Variants in TRPC7 observed in about 807,000 individuals in gnomAD.
TRPC7 encodes the protein short transient receptor potential channel 7.
A neutral mutation model predicts 90.1 loss-of-function variants in TRPC7; 42 were observed. The observed-to-expected ratio is 0.47, with a 90% CI of 0.36 to 0.60. The LOEUF (loss-of-function observed/expected upper bound fraction) is 0.60. TRPC7 is among the 20% of genes least tolerant of loss of function. The pLI, the probability that TRPC7 is intolerant of heterozygous loss-of-function variation, is 0.00. For synonymous variants in TRPC7, 451 were observed against 436.3 expected, an observed-to-expected ratio of 1.03 and a Z score of -0.42; for missense variants, 955 against 1,112.3, an observed-to-expected ratio of 0.86 and a Z score of 2.01.
intron 8 of TRPC7, among the ~76,000 whole-genome samples, chr5:136,228,534 T>C (rs562432049): frequency 6.7e-6 from 1 of 148,792 alleles, no homozygotes; most frequent in South Asian, 2.1e-4. Flanking sequence ...CAGGGTGCCG[T>C]GCAGTGGCGG....
chr5:136,356,406 T>C (rs904355528), intron 2 of TRPC7, among the ~76,000 whole-genome samples: 1 of 152,234 alleles, frequency 6.6e-6, no homozygotes. Flanking sequence ...TCATGTAGTT[T>C]AAAGCATTTC....
At chr5:136,231,317 T>C (rs767458952) in intron 8 of TRPC7, 37 bp downstream of exon 8, 13 of 1,534,470 alleles carry the variant, frequency 8.5e-6, no homozygotes, top group Middle Eastern at 3.4e-4. Flanking sequence ...GTAAATTAGA[T>C]GAAGGAGAGC....
intron 3 of TRPC7, among the ~76,000 whole-genome samples, chr5:136,291,681 A>G (rs1757960088): frequency 6.6e-6 from 1 of 152,224 alleles, no homozygotes; most frequent in Admixed American, 6.5e-5. Flanking sequence ...AGACTCCCAC[A>G]CAATAACAAT....
intron 3 of TRPC7, among the ~76,000 whole-genome samples, chr5:136,280,834 C>G (rs1050331829): frequency 2.8e-4 from 43 of 152,126 alleles, no homozygotes; most frequent in African/African-American, 9.7e-4. Context: ...GCTTACCTGT[C>G]ATTTTATTAT....
chr5:136,220,861 G>A (rs34410394), intron 10 of TRPC7, among the ~76,000 whole-genome samples: 13,235 of 151,958 alleles, frequency 0.087, 726 homozygotes, highest in East Asian at 0.27. Flanking sequence ...TGTCACCCCC[G>A]GAGGCCCAGC....
chr5:136,239,326 T>C (rs1253956368), intron 7 of TRPC7, among the ~76,000 whole-genome samples: 1 of 152,220 alleles, frequency 6.6e-6, no homozygotes, highest in Non-Finnish European at 1.5e-5. Context: ...GTGGAGATTG[T>C]AACTTTCACA....
intron 7 of TRPC7, among the ~76,000 whole-genome samples, chr5:136,241,768 C>A (rs1756175973): frequency 6.6e-6 from 1 of 152,112 alleles, no homozygotes; most frequent in African/African-American, 2.4e-5. Context: ...GTTGGCCAGG[C>A]TGGTCTTAAA....
chr5:136,224,644 C>G (rs1755569563), intron 10 of TRPC7, among the ~76,000 whole-genome samples: 1 of 152,176 alleles, frequency 6.6e-6, no homozygotes. Context: ...CCTGCTTTTA[C>G]TCTTGTCCCC....
chr5:136,318,457 T>C (rs1057149205), intron 2 of TRPC7, among the ~76,000 whole-genome samples: 3 of 152,066 alleles, frequency 2.0e-5, no homozygotes, highest in African/African-American at 7.2e-5. Flanking sequence ...AACAGGCAGA[T>C]CTACGCTCTT....
chr5:136,329,482 T>C (rs1759436065), intron 2 of TRPC7, among the ~76,000 whole-genome samples: 1 of 152,024 alleles, frequency 6.6e-6, no homozygotes, highest in Non-Finnish European at 1.5e-5. Flanking sequence ...TCACGGGGTT[T>C]CCAAAAGGAG....
intron 3 of TRPC7, among the ~76,000 whole-genome samples, chr5:136,305,770 C>A (rs1053830779): frequency 2.0e-5 from 3 of 152,076 alleles, no homozygotes; most frequent in South Asian, 2.1e-4. Context: ...CTTAGTATTC[C>A]GTGAAACCTT....
intron 2 of TRPC7, among the ~76,000 whole-genome samples, chr5:136,343,603 C>A (rs1290959974): frequency 6.6e-6 from 1 of 152,112 alleles, no homozygotes. Flanking sequence ...CTAAACTAAG[C>A]CTAAAAATAG....
At chr5:136,319,643 C>T (rs1290962212) in intron 2 of TRPC7, among the ~76,000 whole-genome samples, 2 of 152,106 alleles carry the variant, frequency 1.3e-5, no homozygotes, top group African/African-American at 4.8e-5. Context: ...ACTACTGTGA[C>T]TTTTCTTGTC....
intron 3 of TRPC7, among the ~76,000 whole-genome samples, chr5:136,294,351 C>A (rs1164023450): frequency 6.6e-6 from 1 of 152,132 alleles, no homozygotes; most frequent in Non-Finnish European, 1.5e-5. Flanking sequence ...AGTGAACAGG[C>A]AACCTACAGA....
intron 2 of TRPC7, among the ~76,000 whole-genome samples, chr5:136,351,008 T>C (rs978473226): frequency 6.6e-6 from 1 of 152,254 alleles, no homozygotes; most frequent in Non-Finnish European, 1.5e-5. Context: ...TATTTGCATA[T>C]AACCTATGCA....
chr5:136,274,984 G>T, intron 3 of TRPC7, 147 bp from the exon 4 acceptor site: 1 of 835,616 alleles, frequency 1.2e-6, no homozygotes, highest in Non-Finnish European at 1.8e-6. Context: ...GTGGGGATGA[G>T]GCGTAGGAAG....
At chr5:136,305,995 G>C (rs937719336) in intron 3 of TRPC7, among the ~76,000 whole-genome samples, 1 of 152,068 alleles carries the variant, frequency 6.6e-6, no homozygotes, top group African/African-American at 2.4e-5. Flanking sequence ...TCCAGACACC[G>C]GACCAACTTA....
At chr5:136,338,019 C>T (rs1003093191) in intron 2 of TRPC7, among the ~76,000 whole-genome samples, 7 of 152,026 alleles carry the variant, frequency 4.6e-5, no homozygotes, top group South Asian at 4.1e-4. Context: ...TGAGTAAGTG[C>T]GTCGTATTCT....
At chr5:136,240,810 T>C (rs912561736) in intron 7 of TRPC7, among the ~76,000 whole-genome samples, 1 of 152,196 alleles carries the variant, frequency 6.6e-6, no homozygotes, top group African/African-American at 2.4e-5. Flanking sequence ...GTATTTGTAT[T>C]ATTCCACTGT....
Sources: gnomAD v4.1 joint callset for allele counts (sites outside exome capture counted in the v4.1 genomes callset) on GRCh38, gnomAD v4.1.1 for gene constraint, MANE v1.5 for transcripts, NCBI Gene and HGNC (gene_info 2026-07-23, HGNC 2026-07-21) for gene names.